Variants in ZNF496 observed in about 807,000 individuals in gnomAD.
The protein encoded by ZNF496 is NSD1 (nuclear receptor binding SET-domain containing 1)-interacting zinc finger protein 1.
ZNF496 carries 11 observed loss-of-function variants against 58.9 expected under a neutral mutation model. That is an observed-to-expected ratio of 0.19 (90% CI 0.12 to 0.31). The LOEUF (loss-of-function observed/expected upper bound fraction) is 0.31, where lower values mean the gene tolerates loss of function less well. Among genes scored for constraint, ZNF496 ranks in the 10% least tolerant of loss-of-function variants. The pLI is 1.00. For missense variants in ZNF496, 660 were observed against 783.0 expected, an observed-to-expected ratio of 0.84 and a Z score of 1.88; for synonymous variants, 338 against 318.2, an observed-to-expected ratio of 1.06 and a Z score of -0.66.
At chr1:247,322,594 G>T in intron 6 of ZNF496, 1 of 575,188 alleles carries the variant, frequency 1.7e-6, no homozygotes, top group Non-Finnish European at 2.7e-6. Context: ...TCACCTGCTG[G>T]ACCAGCCCCC....
At chr1:247,321,109 G>A (rs1199570549) in intron 6 of ZNF496, among the ~76,000 whole-genome samples, 2 of 152,020 alleles carry the variant, frequency 1.3e-5, no homozygotes, top group East Asian at 3.9e-4. Context: ...CCGGGATGCG[G>A]AGGTTGCGAT....
intron 6 of ZNF496, among the ~76,000 whole-genome samples, chr1:247,317,740 C>T (rs763365256): frequency 1.3e-5 from 2 of 152,200 alleles, no homozygotes; most frequent in Non-Finnish European, 2.9e-5. Flanking sequence ...CTTGCTGGAG[C>T]TATGTCAAAA....
Position 247,329,507 on chromosome 1 carries a change from T to C in ZNF496, c.72A>G (p.Pro24=). 6.3e-7 allele frequency: 1 copy of C among 1,587,668 alleles called. No individual in the cohort carries two copies. The highest frequency in any genetic ancestry group is 1.1e-5 in the South Asian group (1 of 87,252). ...CCTGGGGGCTAGGGTTCTCTCCAGG[T>C]GGGCTCCTCATTTTCCTGGGCTCCT... ...ESEEPRKMRS[P]PGENPSPQGE... The change falls in exon 4 of 10, where the codon CCA becomes CCG. Residue 24 remains proline (P), a synonymous_variant. Coordinates refer to ENST00000682384, the MANE Select transcript of ZNF496 (RefSeq NM_032752.3). The surrounding 1 kb of genome is among the most constrained non-coding windows in gnomAD (Gnocchi z 5.5).
intron 6 of ZNF496, among the ~76,000 whole-genome samples, chr1:247,314,723 C>T (rs1003520029): frequency 2.0e-5 from 3 of 152,182 alleles, no homozygotes; most frequent in Non-Finnish European, 4.4e-5. Context: ...GCACCCAGGA[C>T]ACGGCTGGGA....
chr1:247,318,253 C>A (rs1007724606), intron 6 of ZNF496, among the ~76,000 whole-genome samples: 5 of 152,050 alleles, frequency 3.3e-5, no homozygotes, highest in African/African-American at 1.2e-4. Context: ...CAGTTTCTAA[C>A]AAGAGATCTA....
Position 247,329,639 on chromosome 1 carries a change from G to A in ZNF496, c.-37-24C>T, listed in dbSNP as rs1660252706. The A allele has an allele frequency of 1.3e-6, 2 of 1,510,558 alleles. No homozygotes were observed. Among genetic ancestry groups the A allele is most frequent in the Non-Finnish European group, 1.8e-6 (2 of 1,132,372 alleles). The allele number at this position is 1,510,558 out of a possible 1,614,324, so 93.6% of individuals were successfully genotyped here. On this transcript the variant is annotated intron_variant, in intron 3 of 9. Transcript: ENST00000682384. This position sits in a 1 kb window ranked among gnomAD's most constrained non-coding sequence, Gnocchi z 5.5. ...CCCTATTTCCAAACAGAAATCACTG[G>A]CTTCAGTGTTCTGGTCTCCTGTGGT...
In ZNF496 at chr1:247,298,993, T is replaced by C. The variant is rs1230261525; in HGVS notation, c.*1526A>G. ...ATGATTCTTCCATGCAGAGGACACC[T>C]GCCCTAAATGCTGAAACTTGGGTCT... On this transcript the variant is annotated 3_prime_UTR_variant, in exon 10 of 10. Transcript: ENST00000682384. 3 of 152,236 alleles carry C rather than the reference T, an allele frequency of 2.0e-5. No individual in the cohort carries two copies. The highest frequency in any genetic ancestry group is 7.2e-5 in the African/African-American group (3 of 41,460). The allele number at this position is 152,236 out of a possible 1,614,324, so 9.4% of individuals were successfully genotyped here.
At chr1:247,322,684 C>G (rs1660000614) in intron 6 of ZNF496, 2 of 1,281,824 alleles carry the variant, frequency 1.6e-6, no homozygotes, top group African/African-American at 3.1e-5. Flanking sequence ...CGAGGAAATT[C>G]TGGAATGACT....
chr1:247,300,943 C>A lies in ZNF496; in HGVS notation c.1340G>T (p.Ser447Ile), dbSNP rs1470703003. ...CTCTAGGTGCCCATCCAGGTCCTCG[C>A]TGTCGCTGAACAGCTCCCCGCACAC... ...CSVCGELFSD[S>I]EDLDGHLESH... Residue 447 changes from serine (S) to isoleucine (I), a missense_variant, in exon 10 of 10, where the codon AGC becomes ATC. Ser to Ile is a moderately radical substitution (Grantham distance 142, BLOSUM62 -2). Coordinates refer to ENST00000682384, the MANE Select transcript of ZNF496 (RefSeq NM_032752.3). The surrounding 1 kb of genome is among the most constrained non-coding windows in gnomAD (Gnocchi z 5.7). The A allele has an allele frequency of 6.2e-7, 1 of 1,613,908 alleles. No homozygotes were observed. Among genetic ancestry groups the A allele is most frequent in the East Asian group, 2.2e-5 (1 of 44,892 alleles).
chr1:247,305,779 T>C (rs1659386906), intron 9 of ZNF496, among the ~76,000 whole-genome samples: 2 of 152,158 alleles, frequency 1.3e-5, no homozygotes, highest in African/African-American at 4.8e-5. Context: ...AGTTAAAAAC[T>C]GTAAGAAAAC....
Position 247,298,020 on chromosome 1 carries a change from G to C in ZNF496, c.*2499C>G, listed in dbSNP as rs1659135227. ...GGTGAATAACCTTCCCAAGACCTTA[G>C]AGCTACAGAGAGAATCCTCAGCACA... is the stretch of plus-strand genomic sequence containing the variant. On this transcript the variant is annotated 3_prime_UTR_variant, in exon 10 of 10. Transcript: ENST00000682384. 4 of 152,156 alleles carry C rather than the reference G, an allele frequency of 2.6e-5. No individual in the cohort carries two copies. Among genetic ancestry groups the C allele is most frequent in the Admixed American group, 2.6e-4 (4 of 15,276 alleles). 9.4% of individuals were successfully genotyped at this position (152,156 alleles called of 1,614,324 possible).
chr1:247,321,259 G>C (rs772614738), intron 6 of ZNF496, among the ~76,000 whole-genome samples: 1 of 152,128 alleles, frequency 6.6e-6, no homozygotes, highest in East Asian at 1.9e-4. Context: ...AATGAAATAA[G>C]CCAGTCACAA....
rs1659197143 is a variant in ZNF496 at position 247,300,297 on chromosome 1, T to A, written c.*222A>T. On this transcript the variant is annotated 3_prime_UTR_variant, in exon 10 of 10. Transcript: ENST00000682384. The surrounding 1 kb of genome is among the most constrained non-coding windows in gnomAD (Gnocchi z 5.7). ...GGTGATGGCACATCCCCCCCGTTTT[T>A]TGGCACAGCAGAAACAGAACACTCA... The A allele has an allele frequency of 2.2e-6, 1 of 455,276 alleles. No homozygotes were observed. The highest frequency in any genetic ancestry group is 2.0e-5 in the African/African-American group (1 of 51,222). The allele number at this position is 455,276 out of a possible 1,614,324, so 28.2% of individuals were successfully genotyped here. A position where few individuals can be genotyped will look rare whatever the true frequency, so the allele number is the denominator to read the frequency against.
chr1:247,307,623 C>T lies in ZNF496; in HGVS notation c.1006+852G>A, dbSNP rs1004410596. 15 of 985,262 alleles carry T rather than the reference C, an allele frequency of 1.5e-5. No homozygotes were observed. The African/African-American group carries it at 2.4e-4, about 16-fold the overall frequency. The allele number at this position is 985,262 out of a possible 1,614,324, so 61.0% of individuals were successfully genotyped here. ...GGATCTCATCCTTTCAGATCTCCCA[C>T]ACTAGAAAAGCCCCTTTGTCCATGC... On this transcript the variant is annotated intron_variant, in intron 9 of 9. Transcript: ENST00000682384.
intron 9 of ZNF496, among the ~76,000 whole-genome samples, chr1:247,303,379 T>C (rs887830439): frequency 2.0e-4 from 30 of 152,214 alleles, no homozygotes; most frequent in African/African-American, 6.5e-4. Flanking sequence ...GTAGCCACAG[T>C]AGACTAACAT....
In ZNF496 at chr1:247,328,852, T is replaced by C. The variant is rs761746280; in HGVS notation, c.405A>G (p.Glu135=). 16 of 1,597,674 alleles carry C rather than the reference T, an allele frequency of 1.0e-5. No homozygotes were observed. In the South Asian group the frequency reaches 1.7e-4, roughly 17 times the overall value. ...GRPWQWLKHC[E]DPVVIDDGDS... is the part of the protein sequence containing the mutation. ...CCCCATCATCAATCACCACAGGGTC[T>C]TCACAGTGCTTGAGCTGCAATCCCA... The change falls in exon 5 of 10, where the codon GAA becomes GAG. Residue 135 remains glutamate (E), a synonymous_variant. Coordinates refer to ENST00000682384, the MANE Select transcript of ZNF496 (RefSeq NM_032752.3).
intron 6 of ZNF496, chr1:247,313,740 A>G (rs144919261): frequency 6.6e-6 from 1 of 152,144 alleles, no homozygotes; most frequent in Non-Finnish European, 1.5e-5. Flanking sequence ...AATACTGAAA[A>G]CCTTGACACA....
chr1:247,313,059 T>C (rs1296822988), intron 6 of ZNF496: 1 of 152,206 alleles, frequency 6.6e-6, no homozygotes, highest in Non-Finnish European at 1.5e-5. Flanking sequence ...CCTTGCTCCA[T>C]AGATGGTCAT....
chr1:247,304,974 A>G (rs1185966493), intron 9 of ZNF496, among the ~76,000 whole-genome samples: 2 of 152,198 alleles, frequency 1.3e-5, no homozygotes, highest in African/African-American at 4.8e-5. Flanking sequence ...TGGATTGTGC[A>G]TGTGGGAAAG....
Sources: allele counts gnomAD v4.1 joint callset (sites outside exome capture counted in the v4.1 genomes callset), GRCh38; gene constraint gnomAD v4.1.1; non-coding constraint Gnocchi (gnomAD v3.1); transcripts MANE v1.5; gene names NCBI Gene and HGNC (gene_info 2026-07-23, HGNC 2026-07-21).